Variants in TCF7L2 observed in about 807,000 individuals in gnomAD.
TCF7L2 encodes transcription factor 7 like 2.
TCF7L2 carries 23 observed loss-of-function variants against 77.9 expected under a neutral mutation model. The ratio of observed to expected loss-of-function variants is 0.30; its 90% CI spans 0.21 to 0.42. TCF7L2 has a LOEUF of 0.42. Ranked by LOEUF, TCF7L2 falls within the 10% of genes least tolerant of loss-of-function variation. TCF7L2 has a pLI of 1.00. For missense variants in TCF7L2, 654 were observed against 793.1 expected (o/e 0.82, Z 2.11); for synonymous variants, 413 against 340.2 (o/e 1.21, Z -2.36).
intron 5 of TCF7L2, among the ~76,000 whole-genome samples, chr10:113,098,815 A>G (rs989436346): frequency 2.0e-5 from 3 of 152,214 alleles, no homozygotes; most frequent in Non-Finnish European, 4.4e-5. Flanking sequence ...TATTATTGCC[A>G]CCACGTAGGA....
At chr10:113,091,614 G>T (rs1210256930) in intron 5 of TCF7L2, among the ~76,000 whole-genome samples, 1 of 152,238 alleles carries the variant, frequency 6.6e-6, no homozygotes, top group Non-Finnish European at 1.5e-5. Flanking sequence ...CTACTCAGGA[G>T]GCTGAGGCAG....
At chr10:113,136,334 G>T (rs368714847) in intron 5 of TCF7L2, among the ~76,000 whole-genome samples, 1 of 152,118 alleles carries the variant, frequency 6.6e-6, no homozygotes, top group African/African-American at 2.4e-5. Flanking sequence ...CCTTCATTTC[G>T]TCTAGAAAAG....
chr10:113,065,392 G>A (rs1178246804), intron 5 of TCF7L2, among the ~76,000 whole-genome samples: 1 of 152,218 alleles, frequency 6.6e-6, no homozygotes, highest in African/African-American at 2.4e-5. Context: ...GCTACCCATG[G>A]TGTGAGTATA....
chr10:113,036,289 A>G (rs7100927), intron 4 of TCF7L2, among the ~76,000 whole-genome samples: 80,224 of 151,834 alleles, frequency 0.53, 24,021 homozygotes, highest in African/African-American at 0.8. Flanking sequence ...GAAGATTCTC[A>G]AGGATGAAGG....
intron 3 of TCF7L2, among the ~76,000 whole-genome samples, chr10:112,961,873 G>A (rs927259375): frequency 5.3e-5 from 8 of 151,280 alleles, no homozygotes; most frequent in Non-Finnish European, 1.2e-4. Context: ...GGGTGTCTGT[G>A]GGCGCTCGCG....
In TCF7L2 at chr10:113,165,646, C is replaced by A. The variant is rs201257936; in HGVS notation, c.1483C>A (p.Pro495Thr). 10 of 1,612,530 alleles carry A rather than the reference C, an allele frequency of 6.2e-6. No individual in the cohort carries two copies. Among genetic ancestry groups the A allele is most frequent in the East Asian group, 2.2e-5 (1 of 44,872 alleles). ...TGGAAGCTTACTAGATTCGCCTCCC[C>A]CCTCCCCGAACCTGCTAGGCTCCCC... Residue 495 changes from proline (P) to threonine (T), a missense_variant, in exon 14 of 14, where the codon CCC becomes ACC. Around this residue, in one of 6 missense-constraint regions of TCF7L2, gnomAD observed 272 missense variants for 215.4 expected, o/e 1.26. Coordinates refer to ENST00000627217, the MANE Select transcript of TCF7L2 (RefSeq NM_001146274.2).
At chr10:112,968,800 C>G (rs1466262392) in intron 4 of TCF7L2, among the ~76,000 whole-genome samples, 1 of 152,058 alleles carries the variant, frequency 6.6e-6, no homozygotes, top group Non-Finnish European at 1.5e-5. Flanking sequence ...AGGATGGTCT[C>G]AATCTCCTGA....
chr10:113,145,810 G>T (rs914460446), intron 7 of TCF7L2, among the ~76,000 whole-genome samples: 2 of 152,104 alleles, frequency 1.3e-5, no homozygotes, highest in Non-Finnish European at 2.9e-5. Context: ...AATTTAATTA[G>T]CCATTCCTAT....
At chr10:112,961,357 A>G (rs909047832) in intron 3 of TCF7L2, among the ~76,000 whole-genome samples, 3 of 150,434 alleles carry the variant, frequency 2.0e-5, no homozygotes, top group African/African-American at 7.4e-5. Context: ...TGCCTTAGTC[A>G]TCTTGTCCTG....
intron 5 of TCF7L2, among the ~76,000 whole-genome samples, chr10:113,101,809 C>T (rs1200639250): frequency 1.6e-5 from 2 of 124,256 alleles, no homozygotes; most frequent in East Asian, 5.6e-4. Context: ...TGCCACTGCA[C>T]TCCAGCCTGG....
chr10:113,058,878 T>C (rs1381169854), intron 5 of TCF7L2, among the ~76,000 whole-genome samples: 3 of 152,174 alleles, frequency 2.0e-5, no homozygotes, highest in Admixed American at 2.0e-4. Context: ...TTGCATTCCG[T>C]AGCTGCTGCA....
chr10:113,078,670 C>A (rs1359086818), intron 5 of TCF7L2, among the ~76,000 whole-genome samples: 1 of 151,738 alleles, frequency 6.6e-6, no homozygotes, highest in Non-Finnish European at 1.5e-5. Context: ...ACCACACACA[C>A]CCAGTTTGTT....
intron 5 of TCF7L2, among the ~76,000 whole-genome samples, chr10:113,134,237 C>A (rs1268825101): frequency 6.6e-6 from 1 of 152,288 alleles, no homozygotes; most frequent in East Asian, 1.9e-4. Flanking sequence ...GGGCACGGGC[C>A]AGGGTAAAAT....
chr10:113,110,365 T>TG (rs199524834), intron 5 of TCF7L2, among the ~76,000 whole-genome samples: 1 of 107,208 alleles, frequency 9.3e-6, no homozygotes, highest in Non-Finnish European at 1.9e-5. Context: ...GATTGTCTAC[T>TG]GGGGTTTTTT....
chr10:113,080,097 C>T (rs931115035), intron 5 of TCF7L2, among the ~76,000 whole-genome samples: 7 of 151,954 alleles, frequency 4.6e-5, no homozygotes, highest in Admixed American at 3.9e-4. Context: ...ACACAGCCCA[C>T]ATACATGCAC....
chr10:113,144,084 T>A, intron 7 of TCF7L2, 59 bp downstream of exon 7: 2 of 1,373,388 alleles, frequency 1.5e-6, no homozygotes, highest in Non-Finnish European at 2.0e-6. Context: ...GTTTATTATT[T>A]ATTCTGTGTG....
chr10:113,063,420 T>G (rs1040079820), intron 5 of TCF7L2, among the ~76,000 whole-genome samples: 1 of 152,152 alleles, frequency 6.6e-6, no homozygotes, highest in Non-Finnish European at 1.5e-5. Context: ...TCTTAAACAA[T>G]GAAGTCATGG....
chr10:112,961,542 A>G lies in TCF7L2; in HGVS notation c.382-3014A>G, dbSNP rs188310673. Among the ~76,000 whole-genome samples, 9 of 152,250 alleles carry G rather than the reference A, an allele frequency of 5.9e-5. No individual in the cohort carries two copies. In the East Asian group the frequency reaches 1.7e-3, roughly 29 times the overall value. On this transcript the variant is annotated intron_variant, in intron 3 of 13. Transcript: ENST00000627217. ...AAAATTAGATTATAATGAACAAGACATCTTTATGTTTTACAGGGAAGGAAA... is the reference window on the plus strand; with the variant it reads ...AAAATTAGATTATAATGAACAAGACGTCTTTATGTTTTACAGGGAAGGAAA...
At chr10:113,112,094 A>G (rs556071817) in intron 5 of TCF7L2, among the ~76,000 whole-genome samples, 49 of 152,348 alleles carry the variant, frequency 3.2e-4, no homozygotes, top group Admixed American at 2.4e-3. Context: ...TCTGTGCCTA[A>G]TGGGAGTATA....
Sources: allele counts gnomAD v4.1 joint callset (sites outside exome capture counted in the v4.1 genomes callset), GRCh38; gene constraint gnomAD v4.1.1; regional missense constraint gnomAD v4.1.1; transcripts MANE v1.5; gene names NCBI Gene and HGNC (gene_info 2026-07-23, HGNC 2026-07-21).